Variants in GRXCR1 observed in about 807,000 individuals in gnomAD.
GRXCR1 encodes the protein glutaredoxin domain-containing cysteine-rich protein 1.
A neutral mutation model predicts 27.3 loss-of-function variants in GRXCR1; 27 were observed. The ratio of observed to expected loss-of-function variants is 0.99; its 90% CI spans 0.73 to 1.37. The LOEUF (loss-of-function observed/expected upper bound fraction) is 1.37. Among genes scored for constraint, GRXCR1 ranks in the 40% most tolerant of loss-of-function variants. The pLI is 0.00. For synonymous variants in GRXCR1, 122 were observed against 131.1 expected, an observed-to-expected ratio of 0.93 and a Z score of 0.47; for missense variants, 379 against 354.4, an observed-to-expected ratio of 1.07 and a Z score of -0.56.
intron 1 of GRXCR1, among the ~76,000 whole-genome samples, chr4:42,955,170 C>T (rs570510688): frequency 6.6e-6 from 1 of 152,192 alleles, no homozygotes; most frequent in South Asian, 2.1e-4. Context: ...AGTTTGCCTA[C>T]TGACGTGCTG....
chr4:42,989,497 C>G (rs772427679), intron 2 of GRXCR1, among the ~76,000 whole-genome samples: 1 of 152,100 alleles, frequency 6.6e-6, no homozygotes, highest in Non-Finnish European at 1.5e-5. Context: ...TTAATTCATA[C>G]CAGCTTATAA....
chr4:42,977,854 G>A (rs775885970), intron 2 of GRXCR1, among the ~76,000 whole-genome samples: 3 of 151,852 alleles, frequency 2.0e-5, no homozygotes, highest in Non-Finnish European at 2.9e-5. Flanking sequence ...CTGTGCTTTC[G>A]GAGTCATATC....
At chr4:42,971,560 A>G (rs187627461) in intron 2 of GRXCR1, among the ~76,000 whole-genome samples, 1 of 151,762 alleles carries the variant, frequency 6.6e-6, no homozygotes, top group African/African-American at 2.4e-5. Context: ...CAGGAGAGAG[A>G]GTGAGTGAGT....
intron 2 of GRXCR1, among the ~76,000 whole-genome samples, chr4:42,983,112 A>G (rs1295155310): frequency 1.2e-4 from 18 of 150,418 alleles, no homozygotes; most frequent in African/African-American, 4.4e-4. Context: ...TTGGTGTTTT[A>G]GACATGAAGT....
chr4:42,944,002 C>A (rs1023137292), intron 1 of GRXCR1, among the ~76,000 whole-genome samples: 1 of 151,952 alleles, frequency 6.6e-6, no homozygotes, highest in African/African-American at 2.4e-5. Context: ...ACAAAGACAG[C>A]AAATAAGATT....
At chr4:43,016,161 T>C (rs900689463) in intron 2 of GRXCR1, among the ~76,000 whole-genome samples, 1 of 152,236 alleles carries the variant, frequency 6.6e-6, no homozygotes, top group African/African-American at 2.4e-5. Flanking sequence ...AATAGATTGC[T>C]TATGCCATGG....
intron 1 of GRXCR1, among the ~76,000 whole-genome samples, chr4:42,924,114 C>G (rs915172967): frequency 6.6e-6 from 1 of 152,150 alleles, no homozygotes; most frequent in African/African-American, 2.4e-5. Context: ...AAGGGAGAAG[C>G]TTTGATGCTT....
At chr4:42,981,146 T>A (rs1748655950) in intron 2 of GRXCR1, among the ~76,000 whole-genome samples, 1 of 136,748 alleles carries the variant, frequency 7.3e-6, no homozygotes, top group Admixed American at 7.1e-5. Context: ...TGATTTTCTG[T>A]AGTGGTATTT....
chr4:42,919,519 G>T (rs1560649254), intron 1 of GRXCR1, among the ~76,000 whole-genome samples: 2 of 152,100 alleles, frequency 1.3e-5, no homozygotes. Flanking sequence ...GGATAAATCT[G>T]GGGTGTTGTG....
chr4:42,927,294 A>G (rs1747181945), intron 1 of GRXCR1, among the ~76,000 whole-genome samples: 1 of 151,992 alleles, frequency 6.6e-6, no homozygotes, highest in Non-Finnish European at 1.5e-5. Flanking sequence ...CCAAGGGGAA[A>G]CCAAATATGG....
At chr4:42,909,001 C>T (rs757137680) in intron 1 of GRXCR1, among the ~76,000 whole-genome samples, 7 of 152,132 alleles carry the variant, frequency 4.6e-5, no homozygotes, top group Non-Finnish European at 8.8e-5. Context: ...ACGAAGAGAT[C>T]CAGAGCCAGC....
intron 2 of GRXCR1, among the ~76,000 whole-genome samples, chr4:42,980,960 G>GTTT (rs71201822): frequency 3.3e-3 from 476 of 143,612 alleles, no homozygotes; most frequent in African/African-American, 0.011. Flanking sequence ...TTTTTTTTGT[G>GTTT]TTTTTTTTTT....
In GRXCR1 at chr4:42,999,142, C is replaced by T. The variant is rs114319484; in HGVS notation, c.628-21212C>T. Among the ~76,000 whole-genome samples the T allele has an allele frequency of 7.4e-3, 1,130 of 152,318 alleles. 16 individuals are homozygous for T. Among genetic ancestry groups the T allele is most frequent in the African/African-American group, 0.026 (1,087 of 41,580 alleles). On this transcript the variant is annotated intron_variant, in intron 2 of 3. Coordinates refer to ENST00000399770, the MANE Select transcript of GRXCR1 (RefSeq NM_001080476.3). The stretch of plus-strand genomic sequence containing the variant: ...AGAATGAAGGAGTGATGAGGGCAGG[C>T]AGGCTTGCATTCTTATGATCCTTTC...
At chr4:42,987,258 TATAATATATATATATATATAG>T (rs1560676971) in intron 2 of GRXCR1, among the ~76,000 whole-genome samples, 1,453 of 83,288 alleles carry the variant, frequency 0.017, 16 homozygotes, top group Non-Finnish European at 0.027. Flanking sequence ...AATATATATA[TATAATATATATATATATATAG>T]AGAGAGAGAG....
At chr4:42,918,923 G>C (rs73240020) in intron 1 of GRXCR1, among the ~76,000 whole-genome samples, 31,652 of 151,898 alleles carry the variant, frequency 0.21, 3,386 homozygotes, top group South Asian at 0.3. Flanking sequence ...TATTGGGAGA[G>C]AAGTCATGTA....
intron 2 of GRXCR1, among the ~76,000 whole-genome samples, chr4:42,990,080 C>T (rs1405046521): frequency 6.7e-6 from 1 of 148,426 alleles, no homozygotes; most frequent in Non-Finnish European, 1.5e-5. Context: ...TTTCAGGAAT[C>T]AATTCTGTTT....
chr4:42,990,170 GTTCTTTTTTTTTTTTT>G (rs1711918178), intron 2 of GRXCR1, among the ~76,000 whole-genome samples: 1 of 63,450 alleles, frequency 1.6e-5, no homozygotes, highest in African/African-American at 5.5e-5. Context: ...TGAATTATTA[GTTCTTTTTTTTTTTTT>G]TTTTTTTTTT....
intron 2 of GRXCR1, among the ~76,000 whole-genome samples, chr4:43,002,335 C>G (rs560496327): frequency 1.3e-5 from 2 of 152,384 alleles, no homozygotes; most frequent in East Asian, 3.9e-4. Context: ...CTGCGGCTTT[C>G]CACAGTGCAT....
intron 1 of GRXCR1, among the ~76,000 whole-genome samples, chr4:42,950,509 G>A (rs551089042): frequency 7.2e-5 from 11 of 152,096 alleles, no homozygotes; most frequent in Non-Finnish European, 1.5e-4. Context: ...TTGACAATAT[G>A]TATAGAAGCC....
Sources: allele counts gnomAD v4.1 joint callset (sites outside exome capture counted in the v4.1 genomes callset), GRCh38; gene constraint gnomAD v4.1.1; transcripts MANE v1.5; gene names NCBI Gene and HGNC (gene_info 2026-07-23, HGNC 2026-07-21).